Variants in CACNB1 observed in about 807,000 individuals in gnomAD.
The protein encoded by CACNB1 is calcium voltage-gated channel auxiliary subunit beta 1, also known as voltage-dependent L-type calcium channel subunit beta-1.
Under a neutral mutation model 71.6 loss-of-function variants are expected in CACNB1, and 29 were observed. The observed-to-expected ratio is 0.40, with a 90% CI of 0.30 to 0.55. The LOEUF is 0.55. Ranked by LOEUF, CACNB1 falls within the 20% of genes least tolerant of loss-of-function variation. The pLI is 0.38. For missense variants in CACNB1, 623 were observed against 801.8 expected, an observed-to-expected ratio of 0.78 and a Z score of 2.69; for synonymous variants, 300 against 319.6, an observed-to-expected ratio of 0.94 and a Z score of 0.65.
rs953157968 is a variant in CACNB1 at position 39,175,809 on chromosome 17, C to T, written c.1333-152G>A. 2.3e-4 allele frequency: 145 copies of T among 638,046 alleles called. No homozygotes were observed. Among genetic ancestry groups the T allele is most frequent in the Non-Finnish European group, 3.0e-4 (112 of 375,950 alleles). 39.5% of individuals were successfully genotyped at this position (638,046 alleles called of 1,614,324 possible). ...GGAGGGGCCCCGGGGACAAACGGCT[C>T]TGGAGCCCAGCCAGAGGACAGACCT... is the stretch of plus-strand genomic sequence containing the variant. On this transcript the variant is annotated intron_variant, in intron 13 of 13. Coordinates refer to ENST00000394303, the MANE Select transcript of CACNB1 (RefSeq NM_000723.5). This position sits in a 1 kb window ranked among gnomAD's most constrained non-coding sequence, Gnocchi z 4.7.
chr17:39,182,639 T>C (rs1318498901), intron 11 of CACNB1, among the ~76,000 whole-genome samples: 4 of 148,228 alleles, frequency 2.7e-5, no homozygotes, highest in African/African-American at 1.0e-4. Flanking sequence ...GAGGTGGAGG[T>C]TGCAGTGAGC....
rs750613855 is a variant in CACNB1 at position 39,178,059 on chromosome 17, C to T, written c.1071G>A (p.Lys357=). 1.9e-6 allele frequency: 3 copies of T among 1,613,862 alleles called. No homozygotes were observed. Among genetic ancestry groups the T allele is most frequent in the Admixed American group, 1.7e-5 (1 of 59,988 alleles). The part of the protein sequence containing the change: ...TSPKVLQRLI[K]SRGKSQSKHL... ...GTTTGGACTGAGACTTTCCTCGGGA[C>T]TTGATGAGCCTTTGAAGTACCTGGT... is the stretch of plus-strand genomic sequence containing the variant. The change falls in exon 12 of 14, where the codon AAG becomes AAA. Residue 357 remains lysine, a synonymous_variant. Transcript: ENST00000394303.
chr17:39,193,343 G>T, intron 2 of CACNB1: 1 of 357,842 alleles, frequency 2.8e-6, no homozygotes, highest in Non-Finnish European at 5.7e-6. Flanking sequence ...CAGAAGACAG[G>T]AAACAGTGAG....
chr17:39,189,480 T>C (rs1007277436), intron 3 of CACNB1, among the ~76,000 whole-genome samples: 1 of 152,138 alleles, frequency 6.6e-6, no homozygotes, highest in African/African-American at 2.4e-5. Flanking sequence ...CTGAGCAATA[T>C]AGGGAGATCC....
At position 39,178,107 on chromosome 17, in the gene CACNB1, G is replaced by A. The variant is rs758414093; in HGVS notation, c.1051-28C>T. On this transcript the variant is annotated intron_variant, in intron 11 of 13. Transcript: ENST00000394303. ...GGTTTGGGGAGAGAGAAAAGGAAGA[G>A]GAGCTAGAGGGACTCAGGCAATGCA... is the stretch of plus-strand genomic sequence containing the variant. 8 of 1,544,528 alleles carry A rather than the reference G, an allele frequency of 5.2e-6. No homozygotes were observed. The African/African-American group carries it at 1.1e-4, about 21-fold the overall frequency.
In CACNB1 at chr17:39,194,374, C is replaced by G. The variant is rs370744433; in HGVS notation, c.171+510G>C. 3.9e-4 allele frequency among the ~76,000 whole-genome samples: 59 copies of G among 152,242 alleles called. 1 individual carries two copies. The South Asian group carries it at 0.012, about 31-fold the overall frequency. ...AGCCTCATGCCTCAACCACCCCCAC[C>G]CCCGTCACCATCACCCTTTCTCTGT... is the stretch of plus-strand genomic sequence containing the variant. On this transcript the variant is annotated intron_variant, in intron 2 of 13. Transcript: ENST00000394303. This position sits in a 1 kb window ranked among gnomAD's most constrained non-coding sequence, Gnocchi z 4.6.
Position 39,186,816 on chromosome 17 carries a change from C to T in CACNB1, c.528G>A (p.Leu176=), listed in dbSNP as rs752219623. The change falls in exon 5 of 14, where the codon CTG becomes CTA. Residue 176 remains leucine, a synonymous_variant. Transcript: ENST00000394303. This position sits in a 1 kb window ranked among gnomAD's most constrained non-coding sequence, Gnocchi z 4.1. ...ACCTGGAGCCGAGGCGGTTCTGGCG[C>T]AGCTTCTGTTCCTGCAGCAGGCGAA... The part of the protein sequence containing the change: ...DSLRLLQEQK[L]RQNRLGSSKS... 3 of 1,614,082 alleles carry T rather than the reference C, an allele frequency of 1.9e-6. No homozygotes were observed. The highest frequency in any genetic ancestry group is 2.5e-6 in the Non-Finnish European group (3 of 1,179,994).
At chr17:39,190,464 G>A (rs1426553204) in intron 3 of CACNB1, among the ~76,000 whole-genome samples, 2 of 152,068 alleles carry the variant, frequency 1.3e-5, no homozygotes, top group African/African-American at 4.8e-5. Flanking sequence ...GTCTCGCTCT[G>A]TCACCCAGGC....
chr17:39,183,209 G>T (rs1183724648), intron 11 of CACNB1, among the ~76,000 whole-genome samples: 1 of 152,124 alleles, frequency 6.6e-6, no homozygotes, highest in Non-Finnish European at 1.5e-5. Context: ...GTGGACACCT[G>T]TAGTCCCAGC....
At chr17:39,183,365 A>AAGAAGAAGAAGAAGAAGAAGAAGAAGAAG (rs879259276) in intron 11 of CACNB1, among the ~76,000 whole-genome samples, 1 of 150,990 alleles carries the variant, frequency 6.6e-6, no homozygotes, top group Non-Finnish European at 1.5e-5. Flanking sequence ...GAAGAAGAAG[A>AAGAAGAAGAAGAAGAAGAAGAAGAAGAAG]AAGGAAAGAC....
chr17:39,197,523 G>T lies in CACNB1; in HGVS notation c.-28C>A. On this transcript the variant is annotated 5_prime_UTR_variant, in exon 1 of 14. Transcript: ENST00000394303. ...AGAGGAGCCTCCCCTCCCGCCGCCG[G>T]CCCGGCCCAGCCGGGCTCCCTCAGC... 1 of 1,469,904 alleles carries T rather than the reference G, an allele frequency of 6.8e-7. No individual in the cohort carries two copies. The highest frequency in any genetic ancestry group is 9.0e-7 in the Non-Finnish European group (1 of 1,105,730). The allele number at this position is 1,469,904 out of a possible 1,614,324, so 91.1% of individuals were successfully genotyped here. A position where few individuals can be genotyped will look rare whatever the true frequency, so the allele number is the denominator to read the frequency against.
Position 39,194,680 on chromosome 17 carries a change from CGGGCAG to C in CACNB1, c.171+198_171+203del, listed in dbSNP as rs899917733. ...GGGTGCCTGGTGCTGGGGGAGGGGC[CGGGCAG>C]GGGCGGGGGCTGAGCGAGTGGGTGC... On this transcript the variant is annotated intron_variant, in intron 2 of 13. Coordinates refer to ENST00000394303, the MANE Select transcript of CACNB1 (RefSeq NM_000723.5). This position sits in a 1 kb window ranked among gnomAD's most constrained non-coding sequence, Gnocchi z 4.6. Among the ~76,000 whole-genome samples the C allele has an allele frequency of 1.4e-5, 2 of 143,384 alleles. No individual in the cohort carries two copies. Among genetic ancestry groups the C allele is most frequent in the African/African-American group, 5.1e-5 (2 of 39,500 alleles). The allele number at this position is 143,384 out of a possible 152,430, so 94.1% of individuals were successfully genotyped here. A position where few individuals can be genotyped will look rare whatever the true frequency, so the allele number is the denominator to read the frequency against.
At position 39,177,491 on chromosome 17, in the gene CACNB1, G is replaced by A. The variant is rs2144083887; in HGVS notation, c.1191C>T (p.Ala397=). The change falls in exon 13 of 14, where the codon GCC becomes GCT. Residue 397 remains alanine, a synonymous_variant. Transcript: ENST00000394303. The part of the protein sequence containing the change: ...IILDENQLED[A]CEHLAEYLEA... ...CCAAGTACTCCGCCAGATGCTCGCAGGCATCCTCCAATTGGTTCTCATCCA... is the reference window on the plus strand; with the variant it reads ...CCAAGTACTCCGCCAGATGCTCGCAAGCATCCTCCAATTGGTTCTCATCCA... The A allele has an allele frequency of 6.2e-7, 1 of 1,608,544 alleles. No homozygotes were observed. Among genetic ancestry groups the A allele is most frequent in the East Asian group, 2.2e-5 (1 of 44,752 alleles).
rs1035762172 is a variant in CACNB1, at chr17:39,186,447, C to T, written c.628+49G>A. On this transcript the variant is annotated intron_variant, in intron 6 of 13. Transcript: ENST00000394303. The surrounding 1 kb of genome is among the most constrained non-coding windows in gnomAD (Gnocchi z 4.1). ...GAGGATTCAGGGAGTGGGGAGACCA[C>T]CCCACCCAGGAGCTTCTTCCCAAAC... The T allele has an allele frequency of 2.1e-6, 3 of 1,437,878 alleles. No individual in the cohort carries two copies. Among genetic ancestry groups the T allele is most frequent in the African/African-American group, 1.4e-5 (1 of 71,604 alleles). 89.1% of individuals were successfully genotyped at this position (1,437,878 alleles called of 1,614,324 possible).
At chr17:39,190,937 G>A (rs951892214) in intron 3 of CACNB1, among the ~76,000 whole-genome samples, 2 of 151,874 alleles carry the variant, frequency 1.3e-5, no homozygotes, top group African/African-American at 4.8e-5. Context: ...AGGCACGGTG[G>A]CTCACGCCTG....
intron 4 of CACNB1, 180 bp from the exon 5 acceptor site, chr17:39,187,109 G>A (rs769357864): frequency 1.4e-5 from 9 of 651,048 alleles, no homozygotes; most frequent in East Asian, 1.1e-4. Flanking sequence ...GACAACTCCA[G>A]GACCAGCATG....
intron 2 of CACNB1, chr17:39,191,890 G>A (rs1485308627): frequency 7.3e-6 from 3 of 410,308 alleles, no homozygotes; most frequent in East Asian, 5.7e-5. Context: ...GGGGCACAAG[G>A]CAAGGGAGGA....
At chr17:39,193,265 C>T (rs1332656030) in intron 2 of CACNB1, 4 of 305,718 alleles carry the variant, frequency 1.3e-5, no homozygotes, top group Non-Finnish European at 2.6e-5. Context: ...CACATGTAGG[C>T]ATGCGCACAC....
rs1418393093 is a variant in CACNB1 at position 39,175,789 on chromosome 17, G to C, written c.1333-132C>G. 1 of 747,116 alleles carries C rather than the reference G, an allele frequency of 1.3e-6. No individual in the cohort carries two copies. The highest frequency in any genetic ancestry group is 2.1e-6 in the Non-Finnish European group (1 of 474,242). The allele number at this position is 747,116 out of a possible 1,614,324, so 46.3% of individuals were successfully genotyped here. A position where few individuals can be genotyped will look rare whatever the true frequency, so the allele number is the denominator to read the frequency against. ...AAGAGGGTGCTGGCTCTAGAGGAGG[G>C]GCCCCGGGGACAAACGGCTCTGGAG... is the stretch of plus-strand genomic sequence containing the variant. On this transcript the variant is annotated intron_variant, in intron 13 of 13. Transcript: ENST00000394303. This position sits in a 1 kb window ranked among gnomAD's most constrained non-coding sequence, Gnocchi z 4.7.
Sources: allele counts gnomAD v4.1 joint callset (sites outside exome capture counted in the v4.1 genomes callset), GRCh38; gene constraint gnomAD v4.1.1; non-coding constraint Gnocchi (gnomAD v3.1); transcripts MANE v1.5; gene names NCBI Gene and HGNC (gene_info 2026-07-23, HGNC 2026-07-21).